HS3ST5: variants seen among roughly 807,000 people sequenced by gnomAD.
HS3ST5 encodes the protein heparan sulfate glucosamine 3-O-sulfotransferase 5.
HS3ST5 carries 10 observed loss-of-function variants against 25.4 expected under a neutral mutation model. The observed-to-expected ratio is 0.39, with a 90% CI of 0.24 to 0.67. The LOEUF (loss-of-function observed/expected upper bound fraction) is 0.67. HS3ST5 is among the 30% of genes least tolerant of loss of function. The probability of loss-of-function intolerance (pLI) is 0.44; values close to 1 mark genes in which losing one functional copy is unlikely to be tolerated. For synonymous variants in HS3ST5, 170 were observed against 162.4 expected, an observed-to-expected ratio of 1.05 and a Z score of -0.36; for missense variants, 324 against 420.7, an observed-to-expected ratio of 0.77 and a Z score of 2.01.
chr6:114,095,208 T>C (rs1002290699), intron 3 of HS3ST5, among the ~76,000 whole-genome samples: 6 of 152,190 alleles, frequency 3.9e-5, no homozygotes, highest in Non-Finnish European at 7.3e-5. Flanking sequence ...TCCTCTTTCA[T>C]TGGCTGTATA....
intron 1 of HS3ST5, among the ~76,000 whole-genome samples, chr6:114,341,189 AGAGGG>A (rs1345404303): frequency 1.5e-5 from 2 of 133,380 alleles, no homozygotes; most frequent in African/African-American, 5.9e-5. Flanking sequence ...AGGGAGAGGG[AGAGGG>A]AGAGGGAGAG....
rs186361539 is a variant in HS3ST5, at chr6:114,247,884, C to G, written c.-338-19106G>C. The stretch of plus-strand genomic sequence containing the variant: ...TTATTTTTCTAATGAAATTTAAAAG[C>G]CTAAACTTATTTTATTAAAAATAAT... On this transcript the variant is annotated intron_variant, in intron 1 of 4. Coordinates refer to ENST00000312719, the MANE Select transcript of HS3ST5 (RefSeq NM_153612.4). 4.0e-5 allele frequency among the ~76,000 whole-genome samples: 6 copies of G among 151,150 alleles called. No homozygotes were observed. The East Asian group carries it at 1.2e-3, about 29-fold the overall frequency.
chr6:114,067,931 T>C (rs973043179), intron 3 of HS3ST5, among the ~76,000 whole-genome samples: 4 of 152,146 alleles, frequency 2.6e-5, no homozygotes, highest in Admixed American at 6.6e-5. Context: ...AAAATTATGA[T>C]AATAATGTCT....
chr6:114,279,560 G>A (rs1227531236), intron 1 of HS3ST5, among the ~76,000 whole-genome samples: 2 of 151,994 alleles, frequency 1.3e-5, no homozygotes, highest in Non-Finnish European at 2.9e-5. Context: ...CCAAATGGGG[G>A]TGTTCTCTAT....
At chr6:114,226,056 G>T (rs904546325) in intron 2 of HS3ST5, among the ~76,000 whole-genome samples, 3 of 151,902 alleles carry the variant, frequency 2.0e-5, no homozygotes, top group East Asian at 1.9e-4. Flanking sequence ...TAGGCCAACC[G>T]CAGCTGGTTG....
At chr6:114,242,822 C>T (rs1295153495) in intron 1 of HS3ST5, among the ~76,000 whole-genome samples, 2 of 149,070 alleles carry the variant, frequency 1.3e-5, no homozygotes, top group African/African-American at 4.9e-5. Context: ...CACTGCAGTC[C>T]GCAGTCCGGC....
rs1030046944 is a variant in HS3ST5, at chr6:114,261,280, T to C, written c.-338-32502A>G. Among the ~76,000 whole-genome samples the C allele has an allele frequency of 3.3e-5, 5 of 152,106 alleles. No individual in the cohort carries two copies. The South Asian group carries it at 8.3e-4, about 25-fold the overall frequency. Reference sequence around the variant, plus strand: ...ACAGGAGATTTTTAAGAAAAAACAATTGAAGAAAAGATGAGAATTAACTAA... The same window carrying C: ...ACAGGAGATTTTTAAGAAAAAACAACTGAAGAAAAGATGAGAATTAACTAA... On this transcript the variant is annotated intron_variant, in intron 1 of 4. Transcript: ENST00000312719.
chr6:114,318,651 G>C (rs997251824), intron 1 of HS3ST5, among the ~76,000 whole-genome samples: 11 of 152,068 alleles, frequency 7.2e-5, no homozygotes, highest in African/African-American at 2.7e-4. Context: ...TATACCCTAA[G>C]CCTAGAGCAA....
Position 114,300,508 on chromosome 6 carries a change from G to A in HS3ST5, c.-339+41687C>T, listed in dbSNP as rs185715373. On this transcript the variant is annotated intron_variant, in intron 1 of 4. Coordinates refer to ENST00000312719, the MANE Select transcript of HS3ST5 (RefSeq NM_153612.4). The stretch of plus-strand genomic sequence containing the variant: ...ACAAAAAAGACAGACAATAATAAGT[G>A]CTGGTAAGAATGTAGAGAAATTTGA... Among the ~76,000 whole-genome samples, 3 of 152,222 alleles carry A rather than the reference G, an allele frequency of 2.0e-5. No individual in the cohort carries two copies. In the East Asian group the frequency reaches 5.8e-4, roughly 29 times the overall value.
At chr6:114,212,925 G>T (rs1781570851) in intron 2 of HS3ST5, among the ~76,000 whole-genome samples, 1 of 152,166 alleles carries the variant, frequency 6.6e-6, no homozygotes, top group South Asian at 2.1e-4. Flanking sequence ...GTGCTGACAG[G>T]ACTTTTAGCT....
At chr6:114,058,252 C>A in intron 4 of HS3ST5, 62 bp from the exon 5 acceptor site, 1 of 1,280,284 alleles carries the variant, frequency 7.8e-7, no homozygotes, top group Non-Finnish European at 1.1e-6. Context: ...TTCTGGTTCC[C>A]CAGTCAGACC....
At chr6:114,071,244 G>T (rs551237429) in intron 3 of HS3ST5, among the ~76,000 whole-genome samples, 1 of 152,298 alleles carries the variant, frequency 6.6e-6, no homozygotes, top group East Asian at 1.9e-4. Flanking sequence ...CTGCCCCACA[G>T]CACTGCTGTG....
intron 3 of HS3ST5, among the ~76,000 whole-genome samples, chr6:114,167,056 G>A (rs762385990): frequency 5.9e-5 from 9 of 152,208 alleles, no homozygotes; most frequent in Non-Finnish European, 1.3e-4. Flanking sequence ...TGCGATCATA[G>A]CTCATTGCGG....
At chr6:114,097,833 TA>T (rs1167104624) in intron 3 of HS3ST5, among the ~76,000 whole-genome samples, 1 of 152,022 alleles carries the variant, frequency 6.6e-6, no homozygotes, top group Non-Finnish European at 1.5e-5. Flanking sequence ...AACCAAAATT[TA>T]AAAAACAGAT....
chr6:114,119,002 ATATAT>A (rs1562204004), intron 3 of HS3ST5, among the ~76,000 whole-genome samples: 2 of 152,224 alleles, frequency 1.3e-5, no homozygotes, highest in African/African-American at 2.4e-5. Context: ...AGAGAAAAAC[ATATAT>A]TATAAACCAC....
chr6:114,311,051 A>C (rs1775508163), intron 1 of HS3ST5, among the ~76,000 whole-genome samples: 3 of 152,220 alleles, frequency 2.0e-5, no homozygotes, highest in African/African-American at 7.2e-5. Context: ...ATTCATTGAA[A>C]CAAACAGTCT....
chr6:114,127,942 A>G (rs922744434), intron 3 of HS3ST5, among the ~76,000 whole-genome samples: 6 of 150,454 alleles, frequency 4.0e-5, no homozygotes, highest in African/African-American at 1.5e-4. Flanking sequence ...AAATTTATAT[A>G]TATATAAAAT....
intron 2 of HS3ST5, among the ~76,000 whole-genome samples, chr6:114,174,957 C>T (rs1484530462): frequency 1.3e-5 from 2 of 152,062 alleles, no homozygotes; most frequent in African/African-American, 4.8e-5. Context: ...CATGCCACTG[C>T]ACTCCAGCCT....
chr6:114,060,013 T>A (rs1294384677), intron 4 of HS3ST5, among the ~76,000 whole-genome samples: 1 of 141,400 alleles, frequency 7.1e-6, no homozygotes, highest in Non-Finnish European at 1.6e-5. Context: ...TATAGACAAC[T>A]TTTTTTTCTT....
Sources: allele counts gnomAD v4.1 joint callset (sites outside exome capture counted in the v4.1 genomes callset), GRCh38; gene constraint gnomAD v4.1.1; transcripts MANE v1.5; gene names NCBI Gene and HGNC (gene_info 2026-07-23, HGNC 2026-07-21).